The following PAK1 variants were observed in gnomAD, a reference collection of about 807,000 sequenced individuals.
The protein encoded by PAK1 is serine/threonine-protein kinase PAK 1.
In PAK1, 29 loss-of-function variants were observed where a neutral mutation model predicts 67.4. That is an observed-to-expected ratio of 0.43 (90% CI 0.32 to 0.59). PAK1 has a LOEUF of 0.59. Ranked by LOEUF, PAK1 falls within the 20% of genes least tolerant of loss-of-function variation. PAK1 has a pLI of 0.07. For missense variants in PAK1, 337 were observed against 670.7 expected, an observed-to-expected ratio of 0.50 and a Z score of 5.50; for synonymous variants, 223 against 237.4, an observed-to-expected ratio of 0.94 and a Z score of 0.56.
the PAK1 span, among the ~76,000 whole-genome samples, chr11:77,497,723 T>C: frequency 6.6e-6 from 1 of 152,220 alleles, no homozygotes; most frequent in Non-Finnish European, 1.5e-5. Flanking sequence ...AGTACATCAC[T>C]ATGGAAGGAA....
chr11:77,395,327 C>G (rs2137526875), intron 1 of PAK1, among the ~76,000 whole-genome samples: 1 of 152,224 alleles, frequency 6.6e-6, no homozygotes, highest in South Asian at 2.1e-4. Flanking sequence ...AATGTTGGGC[C>G]CAATTTTGTC....
intron 10 of PAK1, among the ~76,000 whole-genome samples, chr11:77,342,635 C>T (rs953448242): frequency 6.6e-6 from 1 of 152,146 alleles, no homozygotes; most frequent in Non-Finnish European, 1.5e-5. Context: ...GGAGACACAG[C>T]CATCTCAAAG....
chr11:77,346,264 G>A lies in PAK1; in HGVS notation c.886-2333C>T, dbSNP rs55870416. Among the ~76,000 whole-genome samples, 1,265 of 152,282 alleles carry A rather than the reference G, an allele frequency of 8.3e-3. 5 individuals carry two copies. The highest frequency in any genetic ancestry group is 0.02 in the Middle Eastern group (6 of 294). Reference sequence around the variant, plus strand: ...TGGGATTACAGGCATGAGCAACCGCGCCTGGCCAGGAGTCCTTTTCAATAG... The same window carrying A: ...TGGGATTACAGGCATGAGCAACCGCACCTGGCCAGGAGTCCTTTTCAATAG... On this transcript the variant is annotated intron_variant, in intron 9 of 14. Coordinates refer to ENST00000356341, the MANE Select transcript of PAK1 (RefSeq NM_002576.5).
chr11:77,493,945 C>G, the PAK1 span, among the ~76,000 whole-genome samples: 3 of 152,104 alleles, frequency 2.0e-5, no homozygotes, highest in African/African-American at 7.2e-5. Flanking sequence ...AATATTCACT[C>G]AACAAACACT....
intron 1 of PAK1, among the ~76,000 whole-genome samples, chr11:77,457,589 G>C (rs3019257): frequency 0.24 from 36,766 of 152,048 alleles, 5,065 homozygotes; most frequent in Non-Finnish European, 0.31. Context: ...GGGAGAGGCA[G>C]GAAAGCAACA....
intron 9 of PAK1, among the ~76,000 whole-genome samples, chr11:77,345,058 A>T (rs1944199043): frequency 6.6e-6 from 1 of 152,184 alleles, no homozygotes; most frequent in Non-Finnish European, 1.5e-5. Context: ...GCCAAAGGAA[A>T]CTTCATTCTC....
chr11:77,417,567 G>A (rs2138143623), intron 1 of PAK1, among the ~76,000 whole-genome samples: 1 of 152,234 alleles, frequency 6.6e-6, no homozygotes, highest in South Asian at 2.1e-4. Context: ...CACATACTAT[G>A]CATTTGTCAA....
intron 1 of PAK1, among the ~76,000 whole-genome samples, chr11:77,436,811 G>A (rs1956148377): frequency 6.6e-6 from 1 of 152,150 alleles, no homozygotes; most frequent in South Asian, 2.1e-4. Context: ...ATCTCAAACA[G>A]GGACTCAGTA....
chr11:77,518,896 G>C, the PAK1 span, among the ~76,000 whole-genome samples: 1 of 152,112 alleles, frequency 6.6e-6, no homozygotes, highest in Non-Finnish European at 1.5e-5. Flanking sequence ...GAATCGTATT[G>C]TTTAAATGCC....
intron 2 of PAK1, among the ~76,000 whole-genome samples, chr11:77,381,138 AGTGTGT>A (rs34083265): frequency 0.032 from 4,607 of 144,414 alleles, 253 homozygotes; most frequent in African/African-American, 0.11. Context: ...CTCACCACAG[AGTGTGT>A]GTGTGTGTGT....
intron 1 of PAK1, among the ~76,000 whole-genome samples, chr11:77,453,644 T>C (rs1246486376): frequency 6.6e-6 from 1 of 152,136 alleles, no homozygotes. Context: ...CACAGCAAGC[T>C]GAATACATAT....
At chr11:77,471,285 A>G (rs1957841507) in intron 1 of PAK1, among the ~76,000 whole-genome samples, 1 of 152,192 alleles carries the variant, frequency 6.6e-6, no homozygotes, top group Admixed American at 6.5e-5. Context: ...GGTTTTTATT[A>G]AGAGCAGATC....
the PAK1 span, among the ~76,000 whole-genome samples, chr11:77,518,534 A>C: frequency 6.6e-6 from 1 of 152,150 alleles, no homozygotes; most frequent in East Asian, 1.9e-4. Flanking sequence ...TTTTATGCAA[A>C]AGAAGATTGC....
the PAK1 span, among the ~76,000 whole-genome samples, chr11:77,492,606 A>G: frequency 6.7e-6 from 1 of 149,822 alleles, no homozygotes. Flanking sequence ...CGGTGGCACA[A>G]TCATAGCTCA....
chr11:77,360,591 T>C (rs1164975020), intron 5 of PAK1, among the ~76,000 whole-genome samples: 4 of 152,332 alleles, frequency 2.6e-5, no homozygotes, highest in East Asian at 3.9e-4. Flanking sequence ...TGATGTATAC[T>C]GTAAACACTA....
At chr11:77,451,668 C>T (rs891683617) in intron 1 of PAK1, among the ~76,000 whole-genome samples, 1 of 142,510 alleles carries the variant, frequency 7.0e-6, no homozygotes, top group Non-Finnish European at 1.5e-5. Flanking sequence ...GGCACGATTT[C>T]TGCTCACTGC....
upstream of PAK1, among the ~76,000 whole-genome samples, chr11:77,477,769 AAAC>A (rs1276618492): frequency 6.6e-6 from 1 of 151,842 alleles, no homozygotes; most frequent in Non-Finnish European, 1.5e-5. Flanking sequence ...ACAAAACAAA[AAAC>A]AAGAGGCTGG....
chr11:77,496,794 G>A, the PAK1 span, among the ~76,000 whole-genome samples: 1 of 152,068 alleles, frequency 6.6e-6, no homozygotes, highest in South Asian at 2.1e-4. Context: ...TTAGCCTGGC[G>A]TGATGGTGAG....
intron 1 of PAK1, among the ~76,000 whole-genome samples, chr11:77,423,387 C>G (rs1001070733): frequency 2.8e-5 from 4 of 140,648 alleles, no homozygotes; most frequent in Non-Finnish European, 6.1e-5. Flanking sequence ...AAATGGCTTT[C>G]AAGTTGCTTT....
Sources: allele counts gnomAD v4.1 joint callset (sites outside exome capture counted in the v4.1 genomes callset), GRCh38; gene constraint gnomAD v4.1.1; transcripts MANE v1.5; gene names NCBI Gene and HGNC (gene_info 2026-07-23, HGNC 2026-07-21).